The following SATB2 variants were observed in gnomAD, a reference collection of about 807,000 sequenced individuals.
The protein encoded by SATB2 is SATB homeobox 2, also known as DNA-binding protein SATB2.
A neutral mutation model predicts 73.4 loss-of-function variants in SATB2; 1 was observed. The ratio of observed to expected loss-of-function variants is 0.01; its 90% confidence interval spans 0.00 to 0.06. The LOEUF (loss-of-function observed/expected upper bound fraction) is 0.06. Ranked by LOEUF, SATB2 falls within the 10% of genes least tolerant of loss-of-function variation. The probability of loss-of-function intolerance (pLI) is 1.00; values close to 1 mark genes in which losing one functional copy is unlikely to be tolerated. For missense variants in SATB2, 459 were observed against 945.8 expected (o/e 0.49, Z 6.75); for synonymous variants, 397 against 367.0 (o/e 1.08, Z -0.93).
intron 1 of SATB2, among the ~76,000 whole-genome samples, chr2:199,456,735 A>G (rs1692287421): frequency 6.6e-6 from 1 of 152,218 alleles, no homozygotes; most frequent in Admixed American, 6.5e-5. Context: ...TCCATCACAA[A>G]GGCGGGCGCT....
chr2:199,284,785 G>GA (rs983089618), intron 10 of SATB2, among the ~76,000 whole-genome samples: 484 of 144,924 alleles, frequency 3.3e-3, no homozygotes, highest in African/African-American at 9.2e-3. Context: ...AAAATATTTA[G>GA]AAAAAAAAAA....
At position 199,308,826 on chromosome 2, in the gene SATB2, C is replaced by T; in HGVS notation, c.1674G>A (p.Glu558=). The T allele has an allele frequency of 6.2e-7, 1 of 1,614,166 alleles. No homozygotes were observed. The highest frequency in any genetic ancestry group is 8.5e-7 in the Non-Finnish European group (1 of 1,180,022). The stretch of plus-strand genomic sequence containing the variant: ...GTTCGCTGTGGTGATGCCTTGACTC[C>T]TCCTCATAGATGACATCCCTCTCAT... ...PQHERDVIYE[E]ESRHHHSERM... is the part of the protein sequence containing the mutation. The change falls in exon 10 of 11, where the codon GAG becomes GAA. Residue 558 remains glutamate (E), a synonymous_variant. Transcript: ENST00000417098. This position sits in a 1 kb window ranked among gnomAD's most constrained non-coding sequence, Gnocchi z 4.6.
intron 3 of SATB2, among the ~76,000 whole-genome samples, chr2:199,417,983 T>C (rs1691044695): frequency 6.6e-6 from 1 of 152,218 alleles, no homozygotes; most frequent in South Asian, 2.1e-4. Context: ...TAAGGGCTCA[T>C]ATGAATTGAA....
intron 3 of SATB2, among the ~76,000 whole-genome samples, chr2:199,382,385 G>A (rs188528332): frequency 1.2e-4 from 19 of 152,244 alleles, no homozygotes; most frequent in South Asian, 2.1e-4. Flanking sequence ...GCAATACCAC[G>A]GTGATTGACC....
rs922146439 is a variant in SATB2 at position 199,308,532 on chromosome 2, TTTTC to T, written c.1740+224_1740+227del. On this transcript the variant is annotated intron_variant, in intron 10 of 10. Coordinates refer to ENST00000417098, the MANE Select transcript of SATB2 (RefSeq NM_001172509.2). The surrounding 1 kb of genome is among the most constrained non-coding windows in gnomAD (Gnocchi z 4.6). The stretch of plus-strand genomic sequence containing the variant: ...CTTTGGCATTCAACTTCTCAGTCAT[TTTTC>T]TTTGTGTGTGCATACACACACACAC... Among the ~76,000 whole-genome samples, 7 of 152,000 alleles carry T rather than the reference TTTTC, an allele frequency of 4.6e-5. No individual in the cohort carries two copies. The highest frequency in any genetic ancestry group is 1.7e-4 in the African/African-American group (7 of 41,364).
intron 6 of SATB2, among the ~76,000 whole-genome samples, chr2:199,351,022 C>CT (rs1688800690): frequency 7.9e-6 from 1 of 127,068 alleles, no homozygotes; most frequent in Non-Finnish European, 1.6e-5. Context: ...GAGCGAGACT[C>CT]TGTCTCCAAA....
intron 3 of SATB2, among the ~76,000 whole-genome samples, chr2:199,400,024 A>G (rs1690423822): frequency 6.6e-6 from 1 of 152,230 alleles, no homozygotes; most frequent in Non-Finnish European, 1.5e-5. Flanking sequence ...TCCAAAACTC[A>G]TATTATCTTC....
At chr2:199,401,556 A>T (rs1389665640) in intron 3 of SATB2, among the ~76,000 whole-genome samples, 1 of 152,052 alleles carries the variant, frequency 6.6e-6, no homozygotes, top group Non-Finnish European at 1.5e-5. Flanking sequence ...AAAAACAAAA[A>T]GAAAGAAAGA....
intron 10 of SATB2, among the ~76,000 whole-genome samples, chr2:199,277,403 C>T (rs921041709): frequency 2.6e-5 from 4 of 152,146 alleles, no homozygotes; most frequent in Admixed American, 1.3e-4. Flanking sequence ...CTAAGGCAAA[C>T]ACCTCTCTTC....
In SATB2 at chr2:199,452,340, C is replaced by T. The variant is rs1486962528; in HGVS notation, c.169+3529G>A. ...GCTATTAAAGCACAACTGGCCAGCA[C>T]CTTTCAGCAGTCCAGGAGAAAAGCA... is the stretch of plus-strand genomic sequence containing the variant. On this transcript the variant is annotated intron_variant, in intron 2 of 10. Transcript: ENST00000417098. Among the ~76,000 whole-genome samples the T allele has an allele frequency of 3.9e-5, 6 of 152,224 alleles. No homozygotes were observed. The Middle Eastern group carries it at 0.017, about 431-fold the overall frequency.
At chr2:199,462,031 C>T (rs1692486977), upstream of SATB2, among the ~76,000 whole-genome samples, 1 of 152,190 alleles carries the variant, frequency 6.6e-6, no homozygotes, top group South Asian at 2.1e-4. This position sits in a 1 kb window ranked among gnomAD's most constrained non-coding sequence, Gnocchi z 5.9. Flanking sequence ...CCTGGGCCAT[C>T]CCGGGCTCTG....
chr2:199,432,245 T>A (rs1691525315), intron 3 of SATB2, among the ~76,000 whole-genome samples: 2 of 152,318 alleles, frequency 1.3e-5, no homozygotes, highest in South Asian at 4.1e-4. Context: ...AGAACTAAAG[T>A]ATAACTTAAA....
rs56071011 is a variant in SATB2 at position 199,451,091 on chromosome 2, A to AACACAC, written c.169+4772_169+4777dup. Among the ~76,000 whole-genome samples, 665 of 139,286 alleles carry AACACAC rather than the reference A, an allele frequency of 4.8e-3. 10 individuals are homozygous for AACACAC. In the East Asian group the frequency reaches 0.05, roughly 10 times the overall value. 91.4% of individuals were successfully genotyped at this position (139,286 alleles called of 152,430 possible). On this transcript the variant is annotated intron_variant, in intron 2 of 10. Transcript: ENST00000417098. ...CCTTAAGGGACATCTATGTAGTTCC[A>AACACAC]ACACACACACACACACACACACACA...
rs1692114770 is a variant in SATB2 at position 199,270,299 on chromosome 2, C to T, written c.*1912G>A. On this transcript the variant is annotated 3_prime_UTR_variant, in exon 11 of 11. Coordinates refer to ENST00000417098, the MANE Select transcript of SATB2 (RefSeq NM_001172509.2). ...GAGGTTACTGAGCAGCTAGAATTAG[C>T]TTGTATTGCAACATGTCTTCTCCCT... is the stretch of plus-strand genomic sequence containing the variant. 1 of 152,558 alleles carries T rather than the reference C, an allele frequency of 6.6e-6. No individual in the cohort carries two copies. The highest frequency in any genetic ancestry group is 1.5e-5 in the Non-Finnish European group (1 of 67,994). 9.5% of individuals were successfully genotyped at this position (152,558 alleles called of 1,614,324 possible). A position where few individuals can be genotyped will look rare whatever the true frequency, so the allele number is the denominator to read the frequency against.
At chr2:199,418,012 A>C (rs1050105961) in intron 3 of SATB2, among the ~76,000 whole-genome samples, 9 of 152,202 alleles carry the variant, frequency 5.9e-5, no homozygotes, top group Non-Finnish European at 1.2e-4. Flanking sequence ...AAACAAAAGA[A>C]ATTGACACAC....
At chr2:199,338,964 G>A (rs562819168) in intron 7 of SATB2, among the ~76,000 whole-genome samples, 21 of 150,652 alleles carry the variant, frequency 1.4e-4, no homozygotes, top group African/African-American at 4.8e-4. Context: ...AGACCAGTAT[G>A]TCATCATGTT....
chr2:199,376,143 G>A (rs1574562401), intron 5 of SATB2, among the ~76,000 whole-genome samples: 1 of 152,114 alleles, frequency 6.6e-6, no homozygotes, highest in African/African-American at 2.4e-5. Context: ...TAGCTGAAAA[G>A]AGCTATCCCA....
intron 2 of SATB2, among the ~76,000 whole-genome samples, chr2:199,446,892 A>C (rs1378932305): frequency 6.6e-6 from 1 of 152,184 alleles, no homozygotes; most frequent in African/African-American, 2.4e-5. Context: ...CACCTCAGGA[A>C]GGTTTTTAAA....
chr2:199,424,615 TGAAG>T (rs1422750944), intron 3 of SATB2, among the ~76,000 whole-genome samples: 1 of 152,076 alleles, frequency 6.6e-6, no homozygotes, highest in Non-Finnish European at 1.5e-5. Flanking sequence ...TACTAACATA[TGAAG>T]TGAAAGACCT....
Sources: gnomAD v4.1 joint callset for allele counts (sites outside exome capture counted in the v4.1 genomes callset) on GRCh38, gnomAD v4.1.1 for gene constraint, Gnocchi (gnomAD v3.1) non-coding constraint, MANE v1.5 for transcripts, NCBI Gene and HGNC (gene_info 2026-07-23, HGNC 2026-07-21) for gene names.